Variants in ZNF423 observed in about 807,000 individuals in gnomAD.
The protein encoded by ZNF423 is zinc finger protein 423, also known as Ebf-associated zinc finger protein.
A neutral mutation model predicts 95.8 loss-of-function variants in ZNF423; 12 were observed. That is an observed-to-expected ratio of 0.13 (90% CI 0.08 to 0.20). ZNF423 has a LOEUF of 0.20. ZNF423 is among the 10% of genes least tolerant of loss of function. The pLI is 1.00. For missense variants in ZNF423, 1,316 were observed against 1,737.1 expected (o/e 0.76, Z 4.31); for synonymous variants, 749 against 711.9 (o/e 1.05, Z -0.83).
intron 3 of ZNF423, among the ~76,000 whole-genome samples, chr16:49,668,196 A>AT (rs1363271100): frequency 1.3e-5 from 2 of 151,224 alleles, no homozygotes; most frequent in Non-Finnish European, 2.9e-5. Flanking sequence ...TCAAGCCCCT[A>AT]CCCCCCACCC....
chr16:49,858,158 T>C (rs555931902), upstream of ZNF423, among the ~76,000 whole-genome samples: 5 of 151,508 alleles, frequency 3.3e-5, no homozygotes, highest in East Asian at 9.8e-4. This position sits in a 1 kb window ranked among gnomAD's most constrained non-coding sequence, Gnocchi z 4.3. Flanking sequence ...GAGGGCTACG[T>C]CCCCTCGGAG....
intron 2 of ZNF423, among the ~76,000 whole-genome samples, chr16:49,779,736 C>G (rs977223528): frequency 6.6e-6 from 1 of 152,186 alleles, no homozygotes; most frequent in African/African-American, 2.4e-5. Flanking sequence ...ACCAGCAGGA[C>G]AGCGGGATCC....
At chr16:49,822,830 G>A (rs1269630124) in intron 1 of ZNF423, 15 of 921,896 alleles carry the variant, frequency 1.6e-5, no homozygotes, top group Admixed American at 8.6e-5. Flanking sequence ...TTTGACAGAT[G>A]AGCAAACTGA....
intron 5 of ZNF423, among the ~76,000 whole-genome samples, chr16:49,602,884 AAG>A (rs1233570972): frequency 1.3e-5 from 2 of 152,138 alleles, no homozygotes; most frequent in East Asian, 1.9e-4. Context: ...CTGACCTACA[AAG>A]AGAGTTTCTA....
intron 5 of ZNF423, 144 bp from the exon 6 acceptor site, chr16:49,525,638 C>G (rs1463719384): frequency 8.6e-7 from 1 of 1,169,452 alleles, no homozygotes; most frequent in Non-Finnish European, 1.2e-6. Flanking sequence ...GACACCAAGA[C>G]TCATCCTGGC....
At chr16:49,498,747 A>G (rs1039962079) in intron 7 of ZNF423, among the ~76,000 whole-genome samples, 3 of 151,902 alleles carry the variant, frequency 2.0e-5, no homozygotes, top group Non-Finnish European at 4.4e-5. Context: ...TGCCTCCCCT[A>G]TCTGCTGTGT....
At chr16:49,835,091 C>T (rs2035103397) in intron 1 of ZNF423, among the ~76,000 whole-genome samples, 1 of 152,080 alleles carries the variant, frequency 6.6e-6, no homozygotes. Context: ...GCTCTTGCCC[C>T]AGAAAGTCAG....
intron 2 of ZNF423, among the ~76,000 whole-genome samples, chr16:49,767,344 G>A (rs987670006): frequency 3.9e-5 from 6 of 152,160 alleles, no homozygotes; most frequent in African/African-American, 1.4e-4. Context: ...GGGAAGGCCG[G>A]GGAAAGCAGA....
intron 2 of ZNF423, among the ~76,000 whole-genome samples, chr16:49,740,216 G>C (rs574771964): frequency 1.3e-4 from 20 of 152,184 alleles, no homozygotes; most frequent in African/African-American, 3.9e-4. Context: ...CAGCCTGCAC[G>C]TTTCCTAAAA....
chr16:49,524,408 G>A (rs1233230961), intron 6 of ZNF423, among the ~76,000 whole-genome samples: 3 of 152,202 alleles, frequency 2.0e-5, no homozygotes, highest in South Asian at 2.1e-4. Context: ...CGGGCAGCTG[G>A]GGCCCTTCAG....
chr16:49,677,984 G>A (rs1437965016), intron 3 of ZNF423, among the ~76,000 whole-genome samples: 6 of 151,972 alleles, frequency 3.9e-5, no homozygotes, highest in Non-Finnish European at 7.4e-5. Flanking sequence ...GGAGTTCAAA[G>A]CCAGCCCAGC....
chr16:49,588,894 G>C (rs758766775), intron 5 of ZNF423, among the ~76,000 whole-genome samples: 4 of 152,228 alleles, frequency 2.6e-5, no homozygotes, highest in Non-Finnish European at 4.4e-5. Context: ...CATGCAACTT[G>C]ATCACTTCTG....
At chr16:49,852,511 A>C (rs901738992) in intron 1 of ZNF423, among the ~76,000 whole-genome samples, 7 of 152,122 alleles carry the variant, frequency 4.6e-5, no homozygotes, top group South Asian at 2.1e-4. Flanking sequence ...ACCACCTGAT[A>C]TCATCGGCCG....
At chr16:49,579,242 C>G (rs1411089547) in intron 5 of ZNF423, among the ~76,000 whole-genome samples, 1 of 150,692 alleles carries the variant, frequency 6.6e-6, no homozygotes, top group Non-Finnish European at 1.5e-5. Flanking sequence ...GCTGCCCCAC[C>G]CCAGCCCCTG....
Position 49,636,260 on chromosome 16 carries a change from A to G in ZNF423, c.2916T>C (p.Cys972=). Residue 972 remains cysteine, a synonymous_variant, in exon 4 of 8, where the codon TGT becomes TGC. Coordinates refer to ENST00000563137, the MANE Select transcript of ZNF423 (RefSeq NM_001379286.1). The surrounding 1 kb of genome is among the most constrained non-coding windows in gnomAD (Gnocchi z 8.6). ...GPAKHYMCPI[C]GERFPSLLTL... is the part of the protein sequence containing the mutation. The stretch of plus-strand genomic sequence containing the variant: ...TCAGCAGCGAAGGGAAGCGCTCACC[A>G]CAGATGGGACACATGTAGTGCTTGG... 2 of 1,612,966 alleles carry G rather than the reference A, an allele frequency of 1.2e-6. No individual in the cohort carries two copies. The highest frequency in any genetic ancestry group is 1.7e-6 in the Non-Finnish European group (2 of 1,180,022).
chr16:49,857,891 G>A (rs1340490968), upstream of ZNF423: 4 of 152,228 alleles, frequency 2.6e-5, no homozygotes, highest in African/African-American at 7.2e-5. This position sits in a 1 kb window ranked among gnomAD's most constrained non-coding sequence, Gnocchi z 6.2. Context: ...TCTCCGGGCA[G>A]GCCCGGGAAG....
chr16:49,602,501 G>A (rs981852981), intron 5 of ZNF423, among the ~76,000 whole-genome samples: 12 of 152,116 alleles, frequency 7.9e-5, no homozygotes, highest in African/African-American at 2.9e-4. Flanking sequence ...CACACTCAGC[G>A]AGTTTCGGGT....
At chr16:49,667,765 A>G (rs540524762) in intron 3 of ZNF423, among the ~76,000 whole-genome samples, 1 of 152,346 alleles carries the variant, frequency 6.6e-6, no homozygotes, top group African/African-American at 2.4e-5. Flanking sequence ...GCACACCTGT[A>G]GTCCCAGTTA....
rs75928184 is a variant in ZNF423 at position 49,816,276 on chromosome 16, C to T, written c.41-26730G>A. Among the ~76,000 whole-genome samples the T allele has an allele frequency of 8.1e-4, 123 of 152,198 alleles. 1 individual carries two copies. Among genetic ancestry groups the T allele is most frequent in the African/African-American group, 2.7e-3 (114 of 41,520 alleles). On this transcript the variant is annotated intron_variant, in intron 1 of 7. Coordinates refer to ENST00000563137, the MANE Select transcript of ZNF423 (RefSeq NM_001379286.1). ...AACAAAATGATCCTGACACTGGATGCGCTCCTCGGGTTCCCAGACTGCAAC... is the reference window on the plus strand; with the variant it reads ...AACAAAATGATCCTGACACTGGATGTGCTCCTCGGGTTCCCAGACTGCAAC...
Sources: allele counts gnomAD v4.1 joint callset (sites outside exome capture counted in the v4.1 genomes callset), GRCh38; gene constraint gnomAD v4.1.1; non-coding constraint Gnocchi (gnomAD v3.1); transcripts MANE v1.5; gene names NCBI Gene and HGNC (gene_info 2026-07-23, HGNC 2026-07-21).